SPHKAP: variants seen among roughly 807,000 people sequenced by gnomAD.
The protein encoded by SPHKAP is A-kinase anchor protein SPHKAP.
Under a neutral mutation model 137.5 loss-of-function variants are expected in SPHKAP, and 67 were observed. That is an observed-to-expected ratio of 0.49 (90% CI 0.40 to 0.60). SPHKAP has a LOEUF of 0.60. Among genes scored for constraint, SPHKAP ranks in the 20% least tolerant of loss-of-function variants. The pLI, the probability that SPHKAP is intolerant of heterozygous loss-of-function variation, is 0.00. For missense variants in SPHKAP, 2,097 were observed against 2,069.3 expected (o/e 1.01, Z -0.26); for synonymous variants, 813 against 785.3 (o/e 1.04, Z -0.59).
chr2:228,156,299 G>A (rs1445196422), intron 1 of SPHKAP, among the ~76,000 whole-genome samples: 1 of 152,154 alleles, frequency 6.6e-6, no homozygotes, highest in Non-Finnish European at 1.5e-5. Context: ...TAGATGGAAT[G>A]AAGTTTATTG....
At chr2:228,060,813 G>C (rs1307407339) in intron 3 of SPHKAP, among the ~76,000 whole-genome samples, 1 of 152,146 alleles carries the variant, frequency 6.6e-6, no homozygotes, top group Non-Finnish European at 1.5e-5. Flanking sequence ...CCCAGAGAAA[G>C]GGGGAGAGGT....
chr2:228,009,138 T>C (rs1466552373), intron 7 of SPHKAP, among the ~76,000 whole-genome samples: 1 of 152,218 alleles, frequency 6.6e-6, no homozygotes, highest in East Asian at 1.9e-4. Flanking sequence ...TTTTGCTGGA[T>C]AAAGTATACT....
chr2:228,097,144 T>C (rs912517542), intron 3 of SPHKAP, among the ~76,000 whole-genome samples: 2 of 152,158 alleles, frequency 1.3e-5, no homozygotes, highest in Non-Finnish European at 2.9e-5. Context: ...AGAAACATTG[T>C]TTATTATTGT....
intron 3 of SPHKAP, among the ~76,000 whole-genome samples, chr2:228,102,034 C>CA (rs1477287419): frequency 6.6e-6 from 1 of 152,152 alleles, no homozygotes; most frequent in Non-Finnish European, 1.5e-5. Flanking sequence ...AACTCTTGAG[C>CA]AATTTACTCA....
At chr2:228,072,231 TG>T (rs1240787920) in intron 3 of SPHKAP, among the ~76,000 whole-genome samples, 17 of 152,186 alleles carry the variant, frequency 1.1e-4, no homozygotes, top group African/African-American at 3.1e-4. Context: ...CTGGCTTTCC[TG>T]GGTCTACAGC....
intron 1 of SPHKAP, among the ~76,000 whole-genome samples, chr2:228,157,660 G>A (rs955787281): frequency 1.3e-5 from 2 of 152,026 alleles, no homozygotes; most frequent in African/African-American, 4.8e-5. Flanking sequence ...TACTACCTTG[G>A]TTTATGAGTA....
chr2:228,107,742 C>T (rs1482098889), intron 3 of SPHKAP, among the ~76,000 whole-genome samples: 2 of 152,170 alleles, frequency 1.3e-5, no homozygotes, highest in African/African-American at 4.8e-5. Flanking sequence ...TCCAACTCAT[C>T]TCAGAACTGA....
chr2:228,025,735 A>T, intron 4 of SPHKAP: 1 of 668,316 alleles, frequency 1.5e-6, no homozygotes, highest in Non-Finnish European at 1.8e-6. Context: ...AAAACTCTTT[A>T]GTTCTACATT....
chr2:228,044,251 C>CT (rs1351261223), intron 3 of SPHKAP, among the ~76,000 whole-genome samples: 6 of 152,228 alleles, frequency 3.9e-5, no homozygotes, highest in Non-Finnish European at 1.5e-5. Flanking sequence ...AAAGCAATGA[C>CT]TAAAGGCACA....
intron 3 of SPHKAP, among the ~76,000 whole-genome samples, chr2:228,087,831 G>T (rs1195124450): frequency 6.6e-6 from 1 of 151,996 alleles, no homozygotes; most frequent in Non-Finnish European, 1.5e-5. Context: ...CATACAATGG[G>T]AATATCAGAG....
chr2:227,984,999 T>G (rs1020515596), intron 11 of SPHKAP, among the ~76,000 whole-genome samples: 1 of 152,192 alleles, frequency 6.6e-6, no homozygotes, highest in Non-Finnish European at 1.5e-5. Flanking sequence ...ATCAAAGCTC[T>G]GGAGCAGATG....
At chr2:227,990,827 GTATAT>G in intron 11 of SPHKAP, 168 bp downstream of exon 11, 2 of 678,050 alleles carry the variant, frequency 2.9e-6, no homozygotes, top group Non-Finnish European at 4.9e-6. Flanking sequence ...GAAACGCTAA[GTATAT>G]TATATTTACA....
intron 3 of SPHKAP, among the ~76,000 whole-genome samples, chr2:228,074,226 A>G (rs1204011360): frequency 2.0e-5 from 3 of 152,256 alleles, no homozygotes; most frequent in African/African-American, 7.2e-5. Flanking sequence ...GTGTTCAAGT[A>G]CACAAAATTT....
chr2:228,045,619 G>A (rs935174777), intron 3 of SPHKAP, among the ~76,000 whole-genome samples: 2 of 151,792 alleles, frequency 1.3e-5, no homozygotes, highest in Non-Finnish European at 2.9e-5. Flanking sequence ...GAGCGGGGAG[G>A]GATAGCATTA....
In SPHKAP at chr2:228,015,683, TAAC is replaced by T. The variant is rs138982474; in HGVS notation, c.4448+720_4448+722del. Among the ~76,000 whole-genome samples, 597 of 152,306 alleles carry T rather than the reference TAAC, an allele frequency of 3.9e-3. 2 individuals carry two copies. The highest frequency in any genetic ancestry group is 0.013 in the African/African-American group (558 of 41,568). ...AATTTTCTGGAAAAAGCTGTTTAAATAACAATACTTCAGTGTTGCTTTGCATTT... is the reference window on the plus strand; with the variant it reads ...AATTTTCTGGAAAAAGCTGTTTAAATAATACTTCAGTGTTGCTTTGCATTT... On this transcript the variant is annotated intron_variant, in intron 7 of 11. Transcript: ENST00000392056.
chr2:227,990,441 T>A (rs1693372574), intron 11 of SPHKAP, among the ~76,000 whole-genome samples: 1 of 152,212 alleles, frequency 6.6e-6, no homozygotes, highest in Admixed American at 6.5e-5. Flanking sequence ...TCTACCGCAG[T>A]TAATGGTAGG....
intron 1 of SPHKAP, among the ~76,000 whole-genome samples, chr2:228,166,585 T>C (rs13394274): frequency 0.13 from 20,496 of 152,178 alleles, 1,389 homozygotes; most frequent in East Asian, 0.2. Flanking sequence ...TTGTATCATA[T>C]CTTCTCCTTT....
At chr2:228,000,924 G>A (rs146381668) in intron 7 of SPHKAP, among the ~76,000 whole-genome samples, 7 of 152,166 alleles carry the variant, frequency 4.6e-5, no homozygotes, top group Non-Finnish European at 7.4e-5. Context: ...TTGCTGGGTC[G>A]TATGGTAAGA....
At chr2:228,087,619 A>G (rs1357068422) in intron 3 of SPHKAP, among the ~76,000 whole-genome samples, 1 of 152,184 alleles carries the variant, frequency 6.6e-6, no homozygotes, top group East Asian at 1.9e-4. Flanking sequence ...TATTTAAAAG[A>G]GCCATATGAA....
Sources: allele counts gnomAD v4.1 joint callset (sites outside exome capture counted in the v4.1 genomes callset), GRCh38; gene constraint gnomAD v4.1.1; transcripts MANE v1.5; gene names NCBI Gene and HGNC (gene_info 2026-07-23, HGNC 2026-07-21).